Variants in MBIP observed in about 807,000 individuals in gnomAD.
MBIP encodes the protein MAP3K12 binding inhibitory protein 1.
In MBIP, 32 loss-of-function variants were observed where a neutral mutation model predicts 45.7. The ratio of observed to expected loss-of-function variants is 0.70; its 90% CI spans 0.53 to 0.94. The LOEUF is 0.94. Ranked by LOEUF, MBIP falls within the 40% of genes least tolerant of loss-of-function variation. MBIP has a pLI of 0.00. For synonymous variants in MBIP, 145 were observed against 141.0 expected (o/e 1.03, Z -0.20); for missense variants, 381 against 405.5 (o/e 0.94, Z 0.52).
At chr14:36,320,364 G>A (rs1880819363) in intron 1 of MBIP, 96 bp downstream of exon 1, 4 of 1,560,904 alleles carry the variant, frequency 2.6e-6, no homozygotes, top group Non-Finnish European at 3.5e-6. Flanking sequence ...CCACACCTCT[G>A]CAGGCCTAGC....
chr14:36,314,311 G>T, intron 4 of MBIP: 2 of 458,684 alleles, frequency 4.4e-6, no homozygotes, highest in Non-Finnish European at 7.7e-6. Context: ...CATTTACTTT[G>T]TGTAACCAAA....
Position 36,314,570 on chromosome 14 carries a change from T to C in MBIP, c.513A>G (p.Gln171=). The C allele has an allele frequency of 6.2e-7, 1 of 1,611,804 alleles. No individual in the cohort carries two copies. Among genetic ancestry groups the C allele is most frequent in the Non-Finnish European group, 8.5e-7 (1 of 1,179,210 alleles). ...TGACGTTGTTTTCATTGATTTCAGC[T>C]TGCTTTCTTTCAATAAATGCAGATA... is the stretch of plus-strand genomic sequence containing the variant. The part of the protein sequence containing the change: ...RRISAFIERK[Q]AEINENNVRE... Residue 171 remains glutamine, a synonymous_variant, in exon 4 of 9, where the codon CAA becomes CAG. Coordinates refer to ENST00000416007, the MANE Select transcript of MBIP (RefSeq NM_016586.3).
chr14:36,303,847 C>A (rs951434181), intron 7 of MBIP, among the ~76,000 whole-genome samples: 1 of 152,108 alleles, frequency 6.6e-6, no homozygotes, highest in Admixed American at 6.5e-5. Flanking sequence ...CCTTCTAGTC[C>A]CAGAGCCCTG....
intron 7 of MBIP, among the ~76,000 whole-genome samples, chr14:36,303,342 G>A (rs1397139997): frequency 6.6e-6 from 1 of 152,128 alleles, no homozygotes; most frequent in East Asian, 1.9e-4. Flanking sequence ...TACCTTACCA[G>A]GTTCCTAGTC....
chr14:36,310,423 C>T (rs1274468383), intron 6 of MBIP, among the ~76,000 whole-genome samples: 2 of 152,326 alleles, frequency 1.3e-5, no homozygotes, highest in South Asian at 2.1e-4. Context: ...TCAAATGTCA[C>T]TTCATTAGGA....
chr14:36,315,041 G>A (rs1880484422), intron 2 of MBIP, 126 bp from the exon 3 acceptor site: 1 of 639,954 alleles, frequency 1.6e-6, no homozygotes. Flanking sequence ...AATATAAAAA[G>A]TTGGTATACC....
intron 8 of MBIP, 131 bp from the exon 9 acceptor site, chr14:36,299,321 A>C: frequency 3.2e-6 from 2 of 626,842 alleles, no homozygotes; most frequent in East Asian, 5.6e-5. Context: ...CCTCATGAGA[A>C]TAATCTTAAA....
chr14:36,316,469 T>C lies in MBIP; in HGVS notation c.249+224A>G, dbSNP rs771457337. ...AGTGCAGGTCTAGAATTGAATAGAA[T>C]TGCATTCATTCACTCATACCCACAT... On this transcript the variant is annotated intron_variant, in intron 2 of 8. Transcript: ENST00000416007. Among the ~76,000 whole-genome samples the C allele has an allele frequency of 2.3e-4, 35 of 152,152 alleles. 1 individual carries two copies. Among genetic ancestry groups the C allele is most frequent in the Admixed American group, 2.0e-4 (3 of 15,272 alleles).
chr14:36,301,330 G>A (rs1879535106), intron 7 of MBIP, among the ~76,000 whole-genome samples: 2 of 152,204 alleles, frequency 1.3e-5, no homozygotes, highest in Non-Finnish European at 2.9e-5. Context: ...ACTTCTCTGT[G>A]TGGCCCAAGC....
intron 1 of MBIP, among the ~76,000 whole-genome samples, chr14:36,320,029 C>G (rs1431659154): frequency 6.6e-6 from 1 of 152,098 alleles, no homozygotes; most frequent in Non-Finnish European, 1.5e-5. Flanking sequence ...AAATTACTCC[C>G]TCCCCCACCA....
At chr14:36,320,389 G>T in intron 1 of MBIP, 71 bp downstream of exon 1, 1 of 1,606,446 alleles carries the variant, frequency 6.2e-7, no homozygotes. Context: ...CCCGGCCTCT[G>T]CTAGAGAAAA....
rs1879502070 is a variant in MBIP at position 36,300,836 on chromosome 14, A to T, written c.889-13T>A. 6.8e-7 allele frequency: 1 copy of T among 1,460,092 alleles called. No homozygotes were observed. Among genetic ancestry groups the T allele is most frequent in the East Asian group, 2.3e-5 (1 of 43,474 alleles). 90.4% of individuals were successfully genotyped at this position (1,460,092 alleles called of 1,614,324 possible). On this transcript the variant is annotated splice_polypyrimidine_tract_variant and intron_variant, in intron 7 of 8. Transcript: ENST00000416007. Reference sequence around the variant, plus strand: ...TTCCAGAAAAGCTCTAGATTAAAAAAAAAAAGGTAATGTTTAGAAAAATCT... The same window carrying T: ...TTCCAGAAAAGCTCTAGATTAAAAATAAAAAGGTAATGTTTAGAAAAATCT...
At position 36,316,786 on chromosome 14, in the gene MBIP, T is replaced by G; in HGVS notation, c.156A>C (p.Lys52Asn). The G allele has an allele frequency of 6.2e-7, 1 of 1,612,184 alleles. No homozygotes were observed. The highest frequency in any genetic ancestry group is 1.1e-5 in the South Asian group (1 of 90,802). ...GQLDLRDDVV[K>N]ITIDWNKLQS... ...GGAGCTTGTTCCAATCGATTGTAAT[T>G]TTCACCACATCATCTCTGAGGTCAA... is the stretch of plus-strand genomic sequence containing the variant. The change falls in exon 2 of 9, where the codon AAA (lysine) becomes AAC (asparagine). Residue 52 changes from lysine (K) to asparagine (N), a missense_variant. Transcript: ENST00000416007.
chr14:36,304,666 A>C (rs1339275011), intron 7 of MBIP, among the ~76,000 whole-genome samples: 1 of 152,258 alleles, frequency 6.6e-6, no homozygotes, highest in East Asian at 1.9e-4. Context: ...AACAAGTATT[A>C]TTAACTTTTG....
intron 1 of MBIP, chr14:36,319,519 T>C (rs1275348668): frequency 2.6e-6 from 1 of 392,032 alleles, no homozygotes; most frequent in Non-Finnish European, 5.0e-6. Context: ...TGATTCTCCA[T>C]CTACTCAAGG....
chr14:36,303,933 C>A (rs942866891), intron 7 of MBIP, among the ~76,000 whole-genome samples: 8 of 150,478 alleles, frequency 5.3e-5, no homozygotes, highest in African/African-American at 7.5e-5. Context: ...CAATTTCTCT[C>A]CAACTCAGAC....
At position 36,311,698 on chromosome 14, in the gene MBIP, G is replaced by C; in HGVS notation, c.665C>G (p.Pro222Arg). 2 of 1,612,188 alleles carry C rather than the reference G, an allele frequency of 1.2e-6. No homozygotes were observed. Among genetic ancestry groups the C allele is most frequent in the Non-Finnish European group, 1.7e-6 (2 of 1,179,018 alleles). Reference protein sequence around the residue: ...KVSRVVNTYGPQTRPEGIPGS... With the variant: ...KVSRVVNTYGRQTRPEGIPGS... ...TGGAATTCCTTCAGGTCTAGTCTGT[G>C]GTCCGTATGTATTCACAACTCTAGA... is the stretch of plus-strand genomic sequence containing the variant. The change falls in exon 6 of 9, where the codon CCA (proline) becomes CGA (arginine). Residue 222 changes from proline (P) to arginine (R), a missense_variant. Physicochemically the swap from Pro to Arg is moderately radical, Grantham distance 103 (BLOSUM62 -2). Transcript: ENST00000416007.
intron 6 of MBIP, 56 bp downstream of exon 6, chr14:36,311,517 A>G: frequency 6.5e-7 from 1 of 1,526,732 alleles, no homozygotes; most frequent in Non-Finnish European, 8.9e-7. Context: ...ATGAACTGCA[A>G]TTTTTTAACC....
At chr14:36,301,967 T>C (rs1456000972) in intron 7 of MBIP, among the ~76,000 whole-genome samples, 1 of 152,230 alleles carries the variant, frequency 6.6e-6, no homozygotes, top group Non-Finnish European at 1.5e-5. Context: ...AAAAGTTGAT[T>C]CAAAGAACAT....
Sources: allele counts gnomAD v4.1 joint callset (sites outside exome capture counted in the v4.1 genomes callset), GRCh38; gene constraint gnomAD v4.1.1; transcripts MANE v1.5; gene names NCBI Gene and HGNC (gene_info 2026-07-23, HGNC 2026-07-21).